The following NBEA variants were observed in gnomAD, a reference collection of about 807,000 sequenced individuals.
The protein encoded by NBEA is neurobeachin.
Under a neutral mutation model 343.4 loss-of-function variants are expected in NBEA, and 44 were observed. The ratio of observed to expected loss-of-function variants is 0.13; its 90% confidence interval spans 0.10 to 0.16. The LOEUF is 0.16. NBEA is among the 10% of genes least tolerant of loss of function. The pLI is 1.00. For synonymous variants in NBEA, 1,175 were observed against 1,238.7 expected (o/e 0.95, Z 1.08); for missense variants, 2,555 against 3,631.3 (o/e 0.70, Z 7.62).
chr13:35,237,318 G>T (rs2075284472), intron 34 of NBEA, among the ~76,000 whole-genome samples: 1 of 152,116 alleles, frequency 6.6e-6, no homozygotes, highest in South Asian at 2.1e-4. Context: ...GTATTGATCA[G>T]TTCTTCAGAC....
chr13:35,074,415 G>A (rs770223106), intron 10 of NBEA, among the ~76,000 whole-genome samples: 1 of 151,982 alleles, frequency 6.6e-6, no homozygotes, highest in East Asian at 1.9e-4. Flanking sequence ...ACCTAAGACA[G>A]TTTTGCTTTG....
At chr13:35,228,950 G>A (rs2074819695) in intron 33 of NBEA, among the ~76,000 whole-genome samples, 1 of 152,016 alleles carries the variant, frequency 6.6e-6, no homozygotes, top group African/African-American at 2.4e-5. Flanking sequence ...GACTGTGCAG[G>A]GCAGATTCCC....
chr13:35,385,960 G>C lies in NBEA; in HGVS notation c.6179+33637G>C, dbSNP rs1033652275. On this transcript the variant is annotated intron_variant, in intron 38 of 58. Transcript: ENST00000379939. ...TTGTAATGTTTTATATAATTTCCTA[G>C]AGAGATTCACAGTAAATATAATGGT... Among the ~76,000 whole-genome samples the C allele has an allele frequency of 2.6e-5, 4 of 152,102 alleles. No individual in the cohort carries two copies. In the East Asian group the frequency reaches 7.7e-4, roughly 29 times the overall value.
At chr13:35,436,707 CAAAA>C (rs71081254) in intron 39 of NBEA, among the ~76,000 whole-genome samples, 1 of 80,396 alleles carries the variant, frequency 1.2e-5, no homozygotes. Flanking sequence ...GACTCCGTCT[CAAAA>C]AAAAAAAAAA....
At chr13:35,031,480 C>T (rs1398826878) in intron 1 of NBEA, among the ~76,000 whole-genome samples, 5 of 151,344 alleles carry the variant, frequency 3.3e-5, no homozygotes, top group African/African-American at 9.7e-5. Context: ...CAGAGGTATT[C>T]GATTGGTGAC....
intron 46 of NBEA, among the ~76,000 whole-genome samples, chr13:35,586,243 T>C (rs9593298): frequency 0.11 from 16,415 of 152,156 alleles, 1,094 homozygotes; most frequent in African/African-American, 0.19. Flanking sequence ...ATTCTCTCCA[T>C]TATGGGGAAA....
At chr13:34,959,549 T>G (rs1393394595) in intron 1 of NBEA, among the ~76,000 whole-genome samples, 1 of 152,138 alleles carries the variant, frequency 6.6e-6, no homozygotes, top group African/African-American at 2.4e-5. Context: ...AAAAAAATGT[T>G]CATTTTTAGG....
At chr13:34,997,180 C>G (rs899673797) in intron 1 of NBEA, among the ~76,000 whole-genome samples, 1 of 152,026 alleles carries the variant, frequency 6.6e-6, no homozygotes, top group African/African-American at 2.4e-5. Context: ...ACAACATTAC[C>G]TTTATTGTCA....
chr13:35,092,692 G>C (rs935359175), intron 10 of NBEA, among the ~76,000 whole-genome samples: 3 of 151,982 alleles, frequency 2.0e-5, no homozygotes, highest in African/African-American at 7.2e-5. Flanking sequence ...AAAAATAGCT[G>C]TTGTGCTAAA....
chr13:35,289,416 C>T (rs1020335546), intron 34 of NBEA, among the ~76,000 whole-genome samples: 5 of 151,750 alleles, frequency 3.3e-5, no homozygotes, highest in African/African-American at 7.3e-5. Flanking sequence ...AATTACCAAA[C>T]ATCATAATTA....
chr13:35,256,603 AG>A (rs2032626561), intron 34 of NBEA, among the ~76,000 whole-genome samples: 1 of 152,002 alleles, frequency 6.6e-6, no homozygotes, highest in Non-Finnish European at 1.5e-5. Context: ...GTTCATGCCG[AG>A]GGGCGCCTGC....
At chr13:35,559,769 A>G (rs1013302956) in intron 44 of NBEA, among the ~76,000 whole-genome samples, 1 of 151,940 alleles carries the variant, frequency 6.6e-6, no homozygotes, top group Non-Finnish European at 1.5e-5. Flanking sequence ...CAAAAAAATT[A>G]GCTGGGCGTG....
At chr13:35,405,533 A>G (rs994998558) in intron 38 of NBEA, among the ~76,000 whole-genome samples, 1 of 152,206 alleles carries the variant, frequency 6.6e-6, no homozygotes, top group African/African-American at 2.4e-5. Context: ...CATGAACTTA[A>G]TAATTTTAAT....
rs2071382841 is a variant in NBEA, at chr13:35,182,472, C to G, written c.4775C>G (p.Thr1592Ser). The G allele has an allele frequency of 6.2e-7, 1 of 1,610,480 alleles. No homozygotes were observed. The highest frequency in any genetic ancestry group is 8.5e-7 in the Non-Finnish European group (1 of 1,177,696). The change falls in exon 29 of 59, where the codon ACT (threonine) becomes AGT (serine). Residue 1592 changes from threonine (T) to serine (S), a missense_variant. Transcript: ENST00000379939. ...GAACCCCAGAGAGAGACTACAAGAA[C>G]TGGAAGCCAACCAGGTAGAAACATC... ...ILEPQRETTR[T>S]GSQPGRNIRQ...
At chr13:35,313,911 G>C (rs1264330471) in intron 36 of NBEA, among the ~76,000 whole-genome samples, 2 of 152,162 alleles carry the variant, frequency 1.3e-5, no homozygotes, top group Non-Finnish European at 2.9e-5. Context: ...GTTGCTGTAG[G>C]TGAATAAGGT....
intron 10 of NBEA, among the ~76,000 whole-genome samples, chr13:35,087,815 C>T (rs2064852248): frequency 6.6e-6 from 1 of 151,862 alleles, no homozygotes; most frequent in East Asian, 1.9e-4. Context: ...GATGTAGGAA[C>T]AAATGGTATA....
rs191653702 is a variant in NBEA, at chr13:35,112,440, T to A, written c.2002+1462T>A. Among the ~76,000 whole-genome samples, 4 of 152,262 alleles carry A rather than the reference T, an allele frequency of 2.6e-5. No individual in the cohort carries two copies. The East Asian group carries it at 7.7e-4, about 29-fold the overall frequency. On this transcript the variant is annotated intron_variant, in intron 13 of 58. Coordinates refer to ENST00000379939, the MANE Select transcript of NBEA (RefSeq NM_001385012.1). ...GACTGCATCTATATATAACTTTGTT[T>A]TTGATATTATCCTCATTTTAAAGAT...
intron 34 of NBEA, among the ~76,000 whole-genome samples, chr13:35,257,030 C>T (rs77964923): frequency 0.11 from 16,350 of 152,214 alleles, 1,086 homozygotes; most frequent in African/African-American, 0.19. Context: ...CTGGCCATGC[C>T]TCCCCCACTG....
intron 1 of NBEA, among the ~76,000 whole-genome samples, chr13:34,951,932 C>T (rs778116308): frequency 2.2e-4 from 34 of 152,184 alleles, no homozygotes; most frequent in Non-Finnish European, 4.1e-4. Flanking sequence ...CTAACATTAG[C>T]CTATAGTTTA....
Sources: allele counts gnomAD v4.1 joint callset (sites outside exome capture counted in the v4.1 genomes callset), GRCh38; gene constraint gnomAD v4.1.1; transcripts MANE v1.5; gene names NCBI Gene and HGNC (gene_info 2026-07-23, HGNC 2026-07-21).